Variants in ATF2 observed in about 807,000 individuals in gnomAD.
ATF2 encodes activating transcription factor 2, also known as cyclic AMP-dependent transcription factor ATF-2.
Under a neutral mutation model 60.6 loss-of-function variants are expected in ATF2, and 24 were observed. The observed-to-expected ratio is 0.40, with a 90% CI of 0.29 to 0.56. The LOEUF is 0.56. Ranked by LOEUF, ATF2 falls within the 20% of genes least tolerant of loss-of-function variation. The pLI, the probability that ATF2 is intolerant of heterozygous loss-of-function variation, is 0.54. For missense variants in ATF2, 433 were observed against 607.7 expected (o/e 0.71, Z 3.02); for synonymous variants, 206 against 215.4 (o/e 0.96, Z 0.38).
At chr2:175,151,650 G>C (rs940517611) in intron 1 of ATF2, among the ~76,000 whole-genome samples, 1 of 152,086 alleles carries the variant, frequency 6.6e-6, no homozygotes, top group African/African-American at 2.4e-5. Flanking sequence ...GTATCAGTTA[G>C]GATTAGGTTC....
At chr2:175,082,508 T>C (rs766642799) in intron 12 of ATF2, among the ~76,000 whole-genome samples, 1 of 152,218 alleles carries the variant, frequency 6.6e-6, no homozygotes, top group African/African-American at 2.4e-5. Flanking sequence ...TCCTGTCAGC[T>C]TGATTTTGAG....
intron 12 of ATF2, 117 bp from the exon 13 acceptor site, chr2:175,080,882 G>C: frequency 2.9e-6 from 2 of 692,384 alleles, no homozygotes; most frequent in Admixed American, 5.3e-5. Context: ...TAAAAACAAA[G>C]AAAATATGCT....
intron 4 of ATF2, among the ~76,000 whole-genome samples, chr2:175,124,373 G>A (rs1312936677): frequency 6.6e-6 from 1 of 151,806 alleles, no homozygotes; most frequent in Non-Finnish European, 1.5e-5. Context: ...TGTCAGATGG[G>A]AAGAAGGTAG....
intron 2 of ATF2, among the ~76,000 whole-genome samples, chr2:175,146,409 T>A (rs78282928): frequency 0.068 from 10,430 of 152,290 alleles, 363 homozygotes; most frequent in East Asian, 0.12. Flanking sequence ...TATATCAATG[T>A]TAACTTCCTG....
At chr2:175,154,708 G>A (rs1026691455) in intron 1 of ATF2, among the ~76,000 whole-genome samples, 1 of 152,158 alleles carries the variant, frequency 6.6e-6, no homozygotes, top group Non-Finnish European at 1.5e-5. Flanking sequence ...ACTATATCAT[G>A]ATGGCTACCA....
chr2:175,156,377 CAAAAAAAAAAAAAA>C (rs57399474), intron 1 of ATF2, among the ~76,000 whole-genome samples: 11 of 55,982 alleles, frequency 2.0e-4, no homozygotes, highest in Non-Finnish European at 2.9e-4. Context: ...TCTCAAAAAA[CAAAAAAAAAAAAAA>C]AAAAAAAAAA....
intron 4 of ATF2, among the ~76,000 whole-genome samples, chr2:175,124,698 C>T (rs1025602112): frequency 2.0e-5 from 3 of 150,684 alleles, no homozygotes; most frequent in South Asian, 2.1e-4. Flanking sequence ...CCCACACATA[C>T]ATCTCCATTG....
chr2:175,144,640 C>T (rs1398423010), intron 2 of ATF2, among the ~76,000 whole-genome samples: 1 of 152,150 alleles, frequency 6.6e-6, no homozygotes, highest in Non-Finnish European at 1.5e-5. Context: ...GTGTCTGAGT[C>T]TAAGCAGAGT....
At chr2:175,121,937 C>T (rs1173084926) in intron 4 of ATF2, among the ~76,000 whole-genome samples, 1 of 151,748 alleles carries the variant, frequency 6.6e-6, no homozygotes, top group African/African-American at 2.4e-5. Flanking sequence ...TAATATTTAC[C>T]TAGACTTAAG....
intron 10 of ATF2, among the ~76,000 whole-genome samples, chr2:175,110,201 G>T (rs1696074590): frequency 6.6e-6 from 1 of 152,116 alleles, no homozygotes. Flanking sequence ...CAGGCATGGT[G>T]GTGCACACCT....
intron 1 of ATF2, among the ~76,000 whole-genome samples, chr2:175,165,130 G>A (rs1332698096): frequency 1.5e-5 from 1 of 65,240 alleles, no homozygotes; most frequent in African/African-American, 3.6e-5. Context: ...GCTAAGGTGG[G>A]ATTTTTTTTA....
chr2:175,139,367 T>G (rs2105776115), intron 2 of ATF2, among the ~76,000 whole-genome samples: 1 of 152,234 alleles, frequency 6.6e-6, no homozygotes, highest in South Asian at 2.1e-4. Flanking sequence ...ACCTCTACGC[T>G]CCAAGGTTTT....
At chr2:175,112,259 G>A (rs115166523) in intron 9 of ATF2, among the ~76,000 whole-genome samples, 1,820 of 152,086 alleles carry the variant, frequency 0.012, 10 homozygotes, top group Non-Finnish European at 0.02. Context: ...ACATGTAACA[G>A]GATAATCAGA....
chr2:175,146,527 T>C (rs1319707786), intron 2 of ATF2, among the ~76,000 whole-genome samples: 1 of 152,234 alleles, frequency 6.6e-6, no homozygotes, highest in African/African-American at 2.4e-5. Context: ...AAGTTGTATG[T>C]AAATAATATG....
chr2:175,161,164 A>C (rs1466244682), intron 1 of ATF2, among the ~76,000 whole-genome samples: 2 of 152,244 alleles, frequency 1.3e-5, no homozygotes, highest in Admixed American at 1.3e-4. Flanking sequence ...CATATGGAAC[A>C]AAAAAATATG....
chr2:175,100,810 G>A (rs1695260680), intron 10 of ATF2, among the ~76,000 whole-genome samples: 1 of 152,104 alleles, frequency 6.6e-6, no homozygotes. Context: ...AGCCAATCAG[G>A]ACAAATACAG....
chr2:175,164,615 T>C (rs568729014), intron 1 of ATF2, among the ~76,000 whole-genome samples: 1 of 152,352 alleles, frequency 6.6e-6, no homozygotes, highest in Admixed American at 6.5e-5. Flanking sequence ...AACTATCTTA[T>C]ACCTTACTAT....
Position 175,139,982 on chromosome 2 carries a change from C to T in ATF2, c.-43-3496G>A, listed in dbSNP as rs35280810. ...AAAAAGTTAAGCTAAAATTAAAGTG[C>T]CATACCAATGTGTGTAAAAAGCAGA... On this transcript the variant is annotated intron_variant, in intron 2 of 13. Transcript: ENST00000264110. Among the ~76,000 whole-genome samples the T allele has an allele frequency of 7.0e-4, 107 of 152,138 alleles. 1 individual carries two copies. The highest frequency in any genetic ancestry group is 1.8e-3 in the Admixed American group (28 of 15,294).
intron 13 of ATF2, among the ~76,000 whole-genome samples, chr2:175,077,783 A>C (rs1440491784): frequency 6.6e-6 from 1 of 152,176 alleles, no homozygotes; most frequent in Non-Finnish European, 1.5e-5. Context: ...TACCTTTACA[A>C]TGTGATATAT....
Sources: allele counts gnomAD v4.1 joint callset (sites outside exome capture counted in the v4.1 genomes callset), GRCh38; gene constraint gnomAD v4.1.1; transcripts MANE v1.5; gene names NCBI Gene and HGNC (gene_info 2026-07-23, HGNC 2026-07-21).